CCDC85A: variants seen among roughly 807,000 people sequenced by gnomAD.
CCDC85A encodes coiled-coil domain containing 85A.
In CCDC85A, 38 loss-of-function variants were observed where a neutral mutation model predicts 50.2. The observed-to-expected ratio is 0.76, with a 90% CI of 0.58 to 0.99. The LOEUF (loss-of-function observed/expected upper bound fraction) is 0.99, where lower values mean the gene tolerates loss of function less well. Ranked by LOEUF, CCDC85A falls within the 50% of genes least tolerant of loss-of-function variation. The pLI is 0.00. For synonymous variants in CCDC85A, 366 were observed against 301.4 expected (o/e 1.21, Z -2.22); for missense variants, 820 against 742.0 (o/e 1.11, Z -1.22).
At chr2:56,237,316 TA>T (rs1334463267) in intron 2 of CCDC85A, among the ~76,000 whole-genome samples, 2 of 152,300 alleles carry the variant, frequency 1.3e-5, no homozygotes, top group South Asian at 4.1e-4. Context: ...CAATTATAAT[TA>T]CATAACAGGC....
At chr2:56,344,929 CAA>C (rs111805515) in intron 3 of CCDC85A, among the ~76,000 whole-genome samples, 7 of 143,236 alleles carry the variant, frequency 4.9e-5, no homozygotes, top group Admixed American at 7.0e-5. Context: ...GCCATCTTAT[CAA>C]AAAAAAAAAG....
intron 3 of CCDC85A, among the ~76,000 whole-genome samples, chr2:56,361,553 C>T (rs1391519984): frequency 1.3e-5 from 2 of 151,762 alleles, no homozygotes; most frequent in Admixed American, 6.6e-5. Context: ...GACTAGAGTA[C>T]GATAATATTT....
chr2:56,276,682 G>A (rs977158309), intron 2 of CCDC85A, among the ~76,000 whole-genome samples: 10 of 152,238 alleles, frequency 6.6e-5, no homozygotes, highest in East Asian at 1.9e-4. Flanking sequence ...TTTGTAAATT[G>A]CCCAGTCTCT....
Position 56,276,101 on chromosome 2 carries a change from A to G in CCDC85A, c.1241-66778A>G, listed in dbSNP as rs183406872. Reference sequence around the variant, plus strand: ...TTGAGGGAATTTTACATCACATGAAATAGATTTGGGGCGTCTCCCCTCCTT... The same window carrying G: ...TTGAGGGAATTTTACATCACATGAAGTAGATTTGGGGCGTCTCCCCTCCTT... On this transcript the variant is annotated intron_variant, in intron 2 of 5. Coordinates refer to ENST00000407595, the MANE Select transcript of CCDC85A (RefSeq NM_001080433.2). Among the ~76,000 whole-genome samples the G allele has an allele frequency of 3.4e-3, 518 of 152,270 alleles. 6 individuals carry two copies. The highest frequency in any genetic ancestry group is 0.012 in the African/African-American group (498 of 41,538).
intron 3 of CCDC85A, among the ~76,000 whole-genome samples, chr2:56,361,061 G>A (rs1181852194): frequency 2.0e-5 from 3 of 152,152 alleles, no homozygotes; most frequent in Admixed American, 2.0e-4. Context: ...AGACCATCCT[G>A]GCTAACATGT....
chr2:56,335,093 C>T (rs191453250), intron 2 of CCDC85A, among the ~76,000 whole-genome samples: 96 of 152,182 alleles, frequency 6.3e-4, no homozygotes, highest in Non-Finnish European at 1.1e-3. Context: ...AGTGCTGGTT[C>T]CAACAAATTT....
At chr2:56,288,931 G>T (rs1232226486) in intron 2 of CCDC85A, among the ~76,000 whole-genome samples, 1 of 152,132 alleles carries the variant, frequency 6.6e-6, no homozygotes, top group Non-Finnish European at 1.5e-5. Context: ...AAAGGTCTGT[G>T]TACAGAGAGC....
intron 2 of CCDC85A, among the ~76,000 whole-genome samples, chr2:56,338,687 T>G (rs1674204191): frequency 6.6e-6 from 1 of 152,178 alleles, no homozygotes; most frequent in African/African-American, 2.4e-5. Context: ...TCAGCTGACC[T>G]ATGGTAAGTA....
chr2:56,286,236 T>C (rs1477178369), intron 2 of CCDC85A, among the ~76,000 whole-genome samples: 2 of 152,144 alleles, frequency 1.3e-5, no homozygotes, highest in African/African-American at 2.4e-5. Flanking sequence ...TCACTGAGCT[T>C]TTTTGGATCT....
intron 3 of CCDC85A, among the ~76,000 whole-genome samples, chr2:56,350,343 G>T (rs1674854774): frequency 6.6e-6 from 1 of 152,026 alleles, no homozygotes; most frequent in Admixed American, 6.5e-5. Flanking sequence ...GGCCGAGGTG[G>T]GCGGATCACT....
intron 2 of CCDC85A, among the ~76,000 whole-genome samples, chr2:56,274,217 G>T (rs1026292088): frequency 6.6e-6 from 1 of 152,026 alleles, no homozygotes; most frequent in Non-Finnish European, 1.5e-5. Context: ...CTTTTATACT[G>T]TTCTGCTTAA....
chr2:56,233,073 TGGGAACCTCTTTGTTCACCTCTGCA>T (rs1352228598), intron 2 of CCDC85A, among the ~76,000 whole-genome samples: 5 of 152,214 alleles, frequency 3.3e-5, no homozygotes, highest in Non-Finnish European at 7.3e-5. Context: ...TGCCTCTGCC[TGGGAACCTCTTTGTTCACCTCTGCA>T]GGACTGTCTC....
intron 4 of CCDC85A, among the ~76,000 whole-genome samples, chr2:56,372,712 G>A (rs1305616835): frequency 3.3e-5 from 5 of 152,188 alleles, no homozygotes; most frequent in Admixed American, 2.0e-4. Context: ...ATGCAGGAGA[G>A]AAGAACAAAA....
intron 2 of CCDC85A, among the ~76,000 whole-genome samples, chr2:56,224,419 C>G (rs2103916801): frequency 6.6e-6 from 1 of 152,294 alleles, no homozygotes; most frequent in South Asian, 2.1e-4. Flanking sequence ...TGCTATTACA[C>G]ATATGAACAC....
At chr2:56,202,177 C>T (rs1307099524) in intron 2 of CCDC85A, among the ~76,000 whole-genome samples, 1 of 152,208 alleles carries the variant, frequency 6.6e-6, no homozygotes, top group Non-Finnish European at 1.5e-5. Context: ...ATAAGTATCA[C>T]TAGCCTCTGG....
chr2:56,232,721 T>G (rs1267977242), intron 2 of CCDC85A, among the ~76,000 whole-genome samples: 1 of 152,192 alleles, frequency 6.6e-6, no homozygotes, highest in East Asian at 1.9e-4. Context: ...GAGAATGATC[T>G]AATACACATC....
intron 2 of CCDC85A, among the ~76,000 whole-genome samples, chr2:56,278,422 C>G (rs1671057399): frequency 1.3e-5 from 2 of 152,232 alleles, no homozygotes; most frequent in South Asian, 4.2e-4. Flanking sequence ...GCTTTCTGGT[C>G]ACTTTTAGAC....
At chr2:56,370,596 T>C (rs1003868154) in intron 3 of CCDC85A, among the ~76,000 whole-genome samples, 4 of 152,134 alleles carry the variant, frequency 2.6e-5, no homozygotes, top group Admixed American at 2.0e-4. Flanking sequence ...AGGAACATTT[T>C]ATAATACTTA....
chr2:56,296,845 G>T (rs1671971819), intron 2 of CCDC85A, among the ~76,000 whole-genome samples: 2 of 151,998 alleles, frequency 1.3e-5, no homozygotes, highest in Admixed American at 1.3e-4. Context: ...TTTAAAATAG[G>T]CCAGAAATGC....
Sources: allele counts gnomAD v4.1 joint callset (sites outside exome capture counted in the v4.1 genomes callset), GRCh38; gene constraint gnomAD v4.1.1; transcripts MANE v1.5; gene names NCBI Gene and HGNC (gene_info 2026-07-23, HGNC 2026-07-21).